LRCH2: variants seen among roughly 807,000 people sequenced by gnomAD.
LRCH2 encodes the protein leucine-rich repeat and calponin homology domain-containing protein 2.
LRCH2 carries 38 observed loss-of-function variants against 68.9 expected under a neutral mutation model. The ratio of observed to expected loss-of-function variants is 0.55; its 90% CI spans 0.43 to 0.72. The LOEUF (loss-of-function observed/expected upper bound fraction) is 0.72, where lower values mean the gene tolerates loss of function less well. Among genes scored for constraint, LRCH2 ranks in the 30% least tolerant of loss-of-function variants. LRCH2 has a pLI of 0.00. For missense variants in LRCH2, 528 were observed against 572.9 expected (o/e 0.92, Z 0.80); for synonymous variants, 191 against 208.1 (o/e 0.92, Z 0.71).
chrX:115,179,806 T>G (rs2072678136), intron 3 of LRCH2, 55 bp from the exon 4 acceptor site: 1 of 411,781 alleles, frequency 2.4e-6, no homozygotes, highest in African/African-American at 2.7e-5. Context: ...ATACATATAT[T>G]ATATATATAT....
At chrX:115,160,946 G>GA (rs1326491590) in intron 11 of LRCH2, among the ~76,000 whole-genome samples, 5 of 112,285 alleles carry the variant, frequency 4.5e-5, no homozygotes, top group Admixed American at 9.4e-5. Context: ...TTATTTAATA[G>GA]AAAAAATATT....
At chrX:115,217,022 G>A (rs144521345) in intron 1 of LRCH2, among the ~76,000 whole-genome samples, 85 of 111,637 alleles carry the variant, frequency 7.6e-4, no homozygotes, top group African/African-American at 2.5e-3. Flanking sequence ...TTCGAATGGC[G>A]AGGATGGCAA....
Position 115,190,105 on chromosome X carries a change from C to A in LRCH2, c.350-1735G>T, listed in dbSNP as rs781856330. 5.7e-5 allele frequency: 66 copies of A among 1,154,442 alleles called. No individual in the cohort carries two copies. The African/African-American group carries it at 8.9e-4, about 16-fold the overall frequency. Reference sequence around the variant, plus strand: ...GGCTCGCATTGGCGGCAGTGGAATGCCTGGGAAGGCCCCGGCCGTGTGGGG... The same window carrying A: ...GGCTCGCATTGGCGGCAGTGGAATGACTGGGAAGGCCCCGGCCGTGTGGGG... On this transcript the variant is annotated intron_variant, in intron 1 of 20. Coordinates refer to ENST00000317135, the MANE Select transcript of LRCH2 (RefSeq NM_020871.4).
At position 115,123,182 on chromosome X, in the gene LRCH2, G is replaced by A; in HGVS notation, c.1860C>T (p.Arg620=). 1 of 1,201,193 alleles carries A rather than the reference G, an allele frequency of 8.3e-7. No individual in the cohort carries two copies. Residue 620 remains arginine, a synonymous_variant, in exon 18 of 21, where the codon CGC becomes CGT. Coordinates refer to ENST00000317135, the MANE Select transcript of LRCH2 (RefSeq NM_020871.4). The part of the protein sequence containing the change: ...FGLKPRSAFS[R]SSRQEYGAAD... Reference sequence around the variant, plus strand: ...CTGCCCCATATTCTTGGCGAGATGAGCGGCTAAAAGCTATAAAAACAGAAA... The same window carrying A: ...CTGCCCCATATTCTTGGCGAGATGAACGGCTAAAAGCTATAAAAACAGAAA...
At chrX:115,211,616 T>C (rs1014100225) in intron 1 of LRCH2, among the ~76,000 whole-genome samples, 3 of 111,982 alleles carry the variant, frequency 2.7e-5, no homozygotes, top group African/African-American at 9.7e-5. Flanking sequence ...TCCAAACTCA[T>C]GTGTCTTCAA....
chrX:115,177,710 T>C (rs1462570428), intron 5 of LRCH2, among the ~76,000 whole-genome samples: 2 of 111,168 alleles, frequency 1.8e-5, no homozygotes, highest in African/African-American at 6.6e-5. Flanking sequence ...TGTGCCATGG[T>C]GGTTTGCTGC....
chrX:115,184,439 A>G lies in LRCH2; in HGVS notation c.593T>C (p.Ile198Thr). The change falls in exon 3 of 21, where the codon ATT becomes ACT. Residue 198 changes from isoleucine (I) to threonine (T), a missense_variant. By Grantham distance (89) the Ile-to-Thr change is moderately conservative. Coordinates refer to ENST00000317135, the MANE Select transcript of LRCH2 (RefSeq NM_020871.4). ...TTCCATTAAATCTTTTAACTTCCCA[A>G]TTTCTTCTGGAATGGATACCAGTTT... Reference protein sequence around the residue: ...NNKLVSIPEEIGKLKDLMELD... With the variant: ...NNKLVSIPEETGKLKDLMELD... 1 of 1,180,717 alleles carries G rather than the reference A, an allele frequency of 8.5e-7. No individual in the cohort carries two copies. Among genetic ancestry groups the G allele is most frequent in the Non-Finnish European group, 1.1e-6 (1 of 879,636 alleles).
intron 1 of LRCH2, chrX:115,189,420 A>T: frequency 4.3e-6 from 5 of 1,154,481 alleles, no homozygotes; most frequent in Non-Finnish European, 5.8e-6. Context: ...ACTTCCTCTG[A>T]CCCACCATTC....
At chrX:115,153,623 C>T (rs1247166411) in intron 12 of LRCH2, among the ~76,000 whole-genome samples, 8 of 110,524 alleles carry the variant, frequency 7.2e-5, no homozygotes, top group Non-Finnish European at 1.3e-4. Context: ...AAATGTATGA[C>T]AACACACCAA....
At chrX:115,133,546 G>A (rs1284339568) in intron 14 of LRCH2, among the ~76,000 whole-genome samples, 1 of 111,938 alleles carries the variant, frequency 8.9e-6, no homozygotes, top group Admixed American at 9.5e-5. Context: ...AAGTCTATTG[G>A]TGTCATTTTT....
At chrX:115,212,755 G>A (rs1163276400) in intron 1 of LRCH2, among the ~76,000 whole-genome samples, 1 of 109,434 alleles carries the variant, frequency 9.1e-6, no homozygotes, top group Non-Finnish European at 1.9e-5. Context: ...TGGATTGCTT[G>A]AGTCTAGGAG....
intron 6 of LRCH2, among the ~76,000 whole-genome samples, chrX:115,169,297 A>C (rs2072587878): frequency 8.9e-6 from 1 of 112,098 alleles, no homozygotes; most frequent in Non-Finnish European, 1.9e-5. Context: ...GTAGGCATTC[A>C]ACTGATATTT....
In LRCH2 at chrX:115,233,913, GCCGCCGCCGCCGCCTCCCCCTCCAGCC is replaced by G; in HGVS notation, c.102_128del (p.Ala35_Gly43del). 9.6e-7 allele frequency: 1 copy of G among 1,044,872 alleles called. No individual in the cohort carries two copies. Among genetic ancestry groups the G allele is most frequent in the Non-Finnish European group, 1.3e-6 (1 of 788,569 alleles). 86.1% of individuals were successfully genotyped at this position (1,044,872 alleles called of 1,213,427 possible). A position where few individuals can be genotyped will look rare whatever the true frequency, so the allele number is the denominator to read the frequency against. ...CCGGGATGGGGACCACCAGGGTCCC[GCCGCCGCCGCCGCCTCCCCCTCCAGCC>G]CCGCCACCTCCCCCTCCAGCCGTGC... On this transcript the variant is annotated inframe_deletion, in exon 1 of 21. Transcript: ENST00000317135.
At chrX:115,206,528 A>AT (rs1289985789) in intron 1 of LRCH2, among the ~76,000 whole-genome samples, 1 of 112,476 alleles carries the variant, frequency 8.9e-6, no homozygotes, top group Non-Finnish European at 1.9e-5. Context: ...AGATGCTCCT[A>AT]TCGCAGGTAA....
intron 11 of LRCH2, among the ~76,000 whole-genome samples, chrX:115,162,389 A>AG (rs1439518720): frequency 8.9e-6 from 1 of 111,751 alleles, no homozygotes; most frequent in Non-Finnish European, 1.9e-5. Context: ...ATTATATTGG[A>AG]GGGGGAAAAA....
At chrX:115,147,323 A>G (rs997020023) in intron 14 of LRCH2, among the ~76,000 whole-genome samples, 19 of 111,516 alleles carry the variant, frequency 1.7e-4, no homozygotes, top group African/African-American at 5.2e-4. Flanking sequence ...GTGTTGATTT[A>G]ATTTAGGAAA....
intron 1 of LRCH2, among the ~76,000 whole-genome samples, chrX:115,199,843 T>C (rs1182866766): frequency 3.6e-5 from 4 of 112,493 alleles, no homozygotes; most frequent in Admixed American, 2.8e-4. Flanking sequence ...CTGCAGAATA[T>C]ACACTCTTTC....
chrX:115,190,200 C>G (rs1046374810), intron 1 of LRCH2: 1 of 1,165,516 alleles, frequency 8.6e-7, no homozygotes, highest in African/African-American at 1.8e-5. Flanking sequence ...GGGATTTTGT[C>G]CCTGCGCTCA....
rs995680204 is a variant in LRCH2 at position 115,156,737 on chromosome X, C to G, written c.1464-70G>C. 98 of 664,778 alleles carry G rather than the reference C, an allele frequency of 1.5e-4. 1 individual carries two copies. The South Asian group carries it at 4.3e-3, about 29-fold the overall frequency. The allele number at this position is 664,778 out of a possible 1,213,427, so 54.8% of individuals were successfully genotyped here. A position where few individuals can be genotyped will look rare whatever the true frequency, so the allele number is the denominator to read the frequency against. ...TTACATCACATGATATAAAAAAAAT[C>G]TCTAAAATAAACTGCATCTGGTCCT... On this transcript the variant is annotated intron_variant, in intron 11 of 20. Transcript: ENST00000317135.
Sources: gnomAD v4.1 joint callset for allele counts (sites outside exome capture counted in the v4.1 genomes callset) on GRCh38, gnomAD v4.1.1 for gene constraint, MANE v1.5 for transcripts, NCBI Gene and HGNC (gene_info 2026-07-23, HGNC 2026-07-21) for gene names.